The following FAT3 variants were observed in gnomAD, a reference collection of about 807,000 sequenced individuals.
The protein encoded by FAT3 is FAT atypical cadherin 3, also known as protocadherin Fat 3.
In FAT3, 95 loss-of-function variants were observed where a neutral mutation model predicts 310.2. The ratio of observed to expected loss-of-function variants is 0.31; its 90% CI spans 0.26 to 0.36. The LOEUF (loss-of-function observed/expected upper bound fraction) is 0.36. Ranked by LOEUF, FAT3 falls within the 10% of genes least tolerant of loss-of-function variation. FAT3 has a pLI of 1.00. For missense variants in FAT3, 5,408 were observed against 5,715.6 expected, an observed-to-expected ratio of 0.95 and a Z score of 1.74; for synonymous variants, 2,314 against 2,192.9, an observed-to-expected ratio of 1.06 and a Z score of -1.54.
chr11:92,230,325 G>A (rs61901518), intron 1 of FAT3, among the ~76,000 whole-genome samples: 6,809 of 151,874 alleles, frequency 0.045, 243 homozygotes, highest in African/African-American at 0.093. Context: ...ACAGAGTCTC[G>A]CTCCATTGCC....
intron 2 of FAT3, among the ~76,000 whole-genome samples, chr11:92,445,111 A>G (rs931191065): frequency 7.2e-5 from 11 of 152,188 alleles, no homozygotes; most frequent in African/African-American, 2.4e-4. Flanking sequence ...CTGACCTGAC[A>G]CTGTGATCTT....
At chr11:92,824,785 T>C (rs913939758) in intron 13 of FAT3, among the ~76,000 whole-genome samples, 3 of 152,230 alleles carry the variant, frequency 2.0e-5, no homozygotes, top group African/African-American at 7.2e-5. Context: ...GCCTTTTTTT[T>C]TTCCACAAAA....
At chr11:92,713,095 G>A (rs1944575388) in intron 4 of FAT3, among the ~76,000 whole-genome samples, 1 of 152,192 alleles carries the variant, frequency 6.6e-6, no homozygotes, top group Non-Finnish European at 1.5e-5. Flanking sequence ...AGGCAAGTTG[G>A]TGAAAAATAC....
chr11:92,516,501 A>G (rs1306110000), intron 2 of FAT3, among the ~76,000 whole-genome samples: 1 of 152,144 alleles, frequency 6.6e-6, no homozygotes, highest in Non-Finnish European at 1.5e-5. Context: ...AAATAATAAG[A>G]GCTATTTATG....
intron 19 of FAT3, among the ~76,000 whole-genome samples, chr11:92,848,108 T>C (rs1296036879): frequency 6.6e-6 from 1 of 152,212 alleles, no homozygotes; most frequent in East Asian, 1.9e-4. Context: ...TAGTAATGTA[T>C]AGACAAATTT....
intron 2 of FAT3, among the ~76,000 whole-genome samples, chr11:92,427,403 A>C (rs1319141175): frequency 6.6e-6 from 1 of 152,106 alleles, no homozygotes; most frequent in South Asian, 2.1e-4. Context: ...TTCCAATACT[A>C]TGTTGAATAG....
chr11:92,700,637 A>G (rs1430773778), intron 4 of FAT3, among the ~76,000 whole-genome samples: 1 of 152,182 alleles, frequency 6.6e-6, no homozygotes, highest in Non-Finnish European at 1.5e-5. Flanking sequence ...GAAGATTTTT[A>G]AACCACAGGT....
At chr11:92,492,860 C>G (rs1432857044) in intron 2 of FAT3, among the ~76,000 whole-genome samples, 1 of 152,066 alleles carries the variant, frequency 6.6e-6, no homozygotes, top group Admixed American at 6.6e-5. Context: ...TGCTGGTTCC[C>G]TTCTCCCTGA....
At chr11:92,595,503 C>T (rs1939658991) in intron 3 of FAT3, among the ~76,000 whole-genome samples, 1 of 152,186 alleles carries the variant, frequency 6.6e-6, no homozygotes, top group Non-Finnish European at 1.5e-5. Flanking sequence ...TCTTCCCGAA[C>T]ATTATGGTAG....
At chr11:92,306,753 A>AT (rs1491216779) in intron 1 of FAT3, among the ~76,000 whole-genome samples, 3 of 128,630 alleles carry the variant, frequency 2.3e-5, no homozygotes, top group Non-Finnish European at 4.7e-5. Context: ...AAATATATAT[A>AT]AATATATATA....
At chr11:92,472,520 A>G (rs1007055548) in intron 2 of FAT3, among the ~76,000 whole-genome samples, 1 of 152,368 alleles carries the variant, frequency 6.6e-6, no homozygotes, top group East Asian at 1.9e-4. Flanking sequence ...ATTTGCAGTC[A>G]AAAAGAAAAA....
chr11:92,469,291 T>A (rs1264458999), intron 2 of FAT3, among the ~76,000 whole-genome samples: 1 of 152,184 alleles, frequency 6.6e-6, no homozygotes, highest in Non-Finnish European at 1.5e-5. Flanking sequence ...ATGAGACCTT[T>A]TTAAAACCCT....
rs761285949 is a variant in FAT3 at position 92,296,787 on chromosome 11, C to T, written c.-17-55309C>T. On this transcript the variant is annotated intron_variant, in intron 1 of 27. Transcript: ENST00000525166. ...ATGGTGCCTGAAGTGATAGCCATTG[C>T]GCATGCTGCCTTAAATCATGGCAGT... 3.3e-5 allele frequency among the ~76,000 whole-genome samples: 5 copies of T among 152,140 alleles called. No homozygotes were observed. In the East Asian group the frequency reaches 5.8e-4, roughly 18 times the overall value.
At chr11:92,451,135 A>G (rs548960850) in intron 2 of FAT3, among the ~76,000 whole-genome samples, 1 of 152,248 alleles carries the variant, frequency 6.6e-6, no homozygotes, top group East Asian at 1.9e-4. Flanking sequence ...CTTGACTGAA[A>G]GCTGTAGCCT....
At chr11:92,783,933 G>C (rs1206229334) in intron 7 of FAT3, among the ~76,000 whole-genome samples, 1 of 152,154 alleles carries the variant, frequency 6.6e-6, no homozygotes, top group Non-Finnish European at 1.5e-5. Context: ...TTCATGAAAA[G>C]AGAATGGAAT....
intron 3 of FAT3, among the ~76,000 whole-genome samples, chr11:92,579,250 T>C (rs965509658): frequency 1.3e-5 from 2 of 151,914 alleles, no homozygotes; most frequent in African/African-American, 4.8e-5. Context: ...AAGGAAAGGT[T>C]GAAGGGACAA....
chr11:92,682,611 G>A (rs1176582708), intron 3 of FAT3, among the ~76,000 whole-genome samples: 1 of 152,164 alleles, frequency 6.6e-6, no homozygotes, highest in Non-Finnish European at 1.5e-5. Context: ...GTTGCGAACT[G>A]AAACTAGGGT....
chr11:92,448,340 A>G (rs144837055), intron 2 of FAT3, among the ~76,000 whole-genome samples: 2 of 151,842 alleles, frequency 1.3e-5, no homozygotes, highest in African/African-American at 2.4e-5. Flanking sequence ...GTGCATTTCT[A>G]TTTAAGAGGT....
chr11:92,593,515 T>C (rs909303907), intron 3 of FAT3, among the ~76,000 whole-genome samples: 1 of 152,064 alleles, frequency 6.6e-6, no homozygotes, highest in Non-Finnish European at 1.5e-5. Context: ...GACCTACTGA[T>C]TGAAAGATCC....
Sources: gnomAD v4.1 joint callset for allele counts (sites outside exome capture counted in the v4.1 genomes callset) on GRCh38, gnomAD v4.1.1 for gene constraint, MANE v1.5 for transcripts, NCBI Gene and HGNC (gene_info 2026-07-23, HGNC 2026-07-21) for gene names.